CERKL: variants seen among roughly 807,000 people sequenced by gnomAD.
CERKL encodes ceramide kinase-like protein.
Under a neutral mutation model 63.4 loss-of-function variants are expected in CERKL, and 61 were observed. The observed-to-expected ratio is 0.96, with a 90% CI of 0.78 to 1.19. CERKL has a LOEUF of 1.19. Ranked by LOEUF, CERKL falls within the 50% of genes most tolerant of loss-of-function variation. CERKL has a pLI of 0.00. For missense variants in CERKL, 675 were observed against 655.5 expected (o/e 1.03, Z -0.33); for synonymous variants, 250 against 230.5 (o/e 1.08, Z -0.77).
At chr2:181,620,328 A>C (rs545083626) in intron 1 of CERKL, among the ~76,000 whole-genome samples, 124 of 152,272 alleles carry the variant, frequency 8.1e-4, no homozygotes, top group Non-Finnish European at 1.4e-3. Context: ...TTGTCAGCCA[A>C]GGTAGTACCT....
At chr2:181,599,599 G>A (rs1685373434) in intron 2 of CERKL, among the ~76,000 whole-genome samples, 1 of 150,998 alleles carries the variant, frequency 6.6e-6, no homozygotes, top group South Asian at 2.1e-4. Flanking sequence ...ACACCAAGCA[G>A]AAGACAAGAT....
intron 8 of CERKL, chr2:181,548,056 T>C (rs1048172793): frequency 3.1e-5 from 19 of 610,636 alleles, no homozygotes; most frequent in Non-Finnish European, 5.2e-5. Context: ...ACTAGTATTA[T>C]AAGGAATAAT....
chr2:181,539,481 T>C (rs76207771), intron 11 of CERKL, among the ~76,000 whole-genome samples: 19 of 152,260 alleles, frequency 1.2e-4, no homozygotes, highest in African/African-American at 4.6e-4. Flanking sequence ...CCTAGAAATC[T>C]TGTTTTATGA....
rs932980079 is a variant in CERKL, at chr2:181,537,957, G to A, written c.*227C>T. 7.8e-6 allele frequency: 5 copies of A among 639,880 alleles called. No homozygotes were observed. The highest frequency in any genetic ancestry group is 1.8e-5 in the African/African-American group (1 of 55,600). The allele number at this position is 639,880 out of a possible 1,614,324, so 39.6% of individuals were successfully genotyped here. The stretch of plus-strand genomic sequence containing the variant: ...ATTCTCATAGAAGTGCGAACCATAT[G>A]GTGAACTGGTATGTGAGGGATCTAG... On this transcript the variant is annotated 3_prime_UTR_variant, in exon 13 of 13. Transcript: ENST00000410087.
In CERKL at chr2:181,537,687, T is replaced by C. The variant is rs1402164681; in HGVS notation, c.*497A>G. 3 of 422,218 alleles carry C rather than the reference T, an allele frequency of 7.1e-6. No homozygotes were observed. The highest frequency in any genetic ancestry group is 5.1e-5 in the South Asian group (3 of 58,394). The allele number at this position is 422,218 out of a possible 1,614,324, so 26.2% of individuals were successfully genotyped here. ...TTTCAGAATTATCTAGGTTAAATAT[T>C]GATGTATTATGATGGTTGCAAAGTT... On this transcript the variant is annotated 3_prime_UTR_variant, in exon 13 of 13. Coordinates refer to ENST00000410087, the MANE Select transcript of CERKL (RefSeq NM_201548.5).
rs1345221781 is a variant in CERKL, at chr2:181,537,436, T to C, written c.*748A>G. On this transcript the variant is annotated 3_prime_UTR_variant, in exon 13 of 13. Transcript: ENST00000410087. ...TTTGTTATCAACTTACTTTGTTACT[T>C]GTATCATGAATTTTAAAACCCTACC... The C allele has an allele frequency of 2.2e-6, 1 of 453,990 alleles. No individual in the cohort carries two copies. The highest frequency in any genetic ancestry group is 1.6e-5 in the South Asian group (1 of 64,464). The allele number at this position is 453,990 out of a possible 1,614,324, so 28.1% of individuals were successfully genotyped here.
At chr2:181,643,468 A>AG (rs1687535348) in intron 1 of CERKL, among the ~76,000 whole-genome samples, 2 of 152,246 alleles carry the variant, frequency 1.3e-5, no homozygotes, top group Admixed American at 6.5e-5. Flanking sequence ...TTCATACTTC[A>AG]AGGTGTTATC....
intron 10 of CERKL, among the ~76,000 whole-genome samples, chr2:181,546,670 AG>A (rs1440330463): frequency 6.6e-6 from 1 of 152,200 alleles, no homozygotes; most frequent in Non-Finnish European, 1.5e-5. Context: ...GATTGGATTC[AG>A]GAAAGAAATA....
chr2:181,627,012 A>G (rs945204306), intron 1 of CERKL, among the ~76,000 whole-genome samples: 16 of 152,222 alleles, frequency 1.1e-4, no homozygotes, highest in African/African-American at 3.6e-4. Context: ...AGTAGTCTGA[A>G]GATATTTAGA....
At chr2:181,633,234 C>T (rs1247232977) in intron 1 of CERKL, among the ~76,000 whole-genome samples, 2 of 152,128 alleles carry the variant, frequency 1.3e-5, no homozygotes, top group Non-Finnish European at 2.9e-5. Flanking sequence ...CAAGTGGGGA[C>T]AGAAGGTTGT....
chr2:181,565,162 C>T (rs1688607843), intron 4 of CERKL, among the ~76,000 whole-genome samples: 2 of 152,168 alleles, frequency 1.3e-5, no homozygotes, highest in South Asian at 4.1e-4. Context: ...ACATTCAAAT[C>T]AGTCTTTGGG....
chr2:181,653,682 A>C (rs1471052249), intron 1 of CERKL, among the ~76,000 whole-genome samples: 1 of 152,216 alleles, frequency 6.6e-6, no homozygotes, highest in African/African-American at 2.4e-5. Context: ...CACATGTAGA[A>C]TCTTTTTCTA....
intron 2 of CERKL, among the ~76,000 whole-genome samples, chr2:181,575,830 C>T (rs1431049272): frequency 3.9e-5 from 6 of 152,286 alleles, no homozygotes; most frequent in Non-Finnish European, 7.3e-5. Flanking sequence ...CCTTTAAGCT[C>T]CACCCCATCC....
intron 1 of CERKL, among the ~76,000 whole-genome samples, chr2:181,610,870 C>A (rs1023729766): frequency 1.3e-5 from 2 of 151,918 alleles, no homozygotes; most frequent in African/African-American, 2.4e-5. Context: ...GGTTTTGATC[C>A]AGCAATTTAC....
intron 1 of CERKL, among the ~76,000 whole-genome samples, chr2:181,652,098 A>G (rs1407069631): frequency 6.6e-6 from 1 of 152,200 alleles, no homozygotes. Context: ...CTATGGATTT[A>G]ATGCAATTGC....
rs1688144723 is a variant in CERKL, at chr2:181,656,142, CTG to C, written c.238+625_238+626del. ...CTTGACGTAACTAAGCATCGCAAAA[CTG>C]TGATCCAATAATCTAGGGTCAATAT... On this transcript the variant is annotated intron_variant, in intron 1 of 12. Coordinates refer to ENST00000410087, the MANE Select transcript of CERKL (RefSeq NM_201548.5). 2.0e-5 allele frequency among the ~76,000 whole-genome samples: 3 copies of C among 152,238 alleles called. No individual in the cohort carries two copies. In the South Asian group the frequency reaches 6.2e-4, roughly 32 times the overall value.
chr2:181,575,346 C>T (rs565160560), intron 2 of CERKL, among the ~76,000 whole-genome samples: 3 of 152,298 alleles, frequency 2.0e-5, no homozygotes, highest in South Asian at 2.1e-4. Flanking sequence ...CTCTGTTACA[C>T]GCGTTAAAGA....
At chr2:181,597,501 C>G (rs1235489142) in intron 2 of CERKL, among the ~76,000 whole-genome samples, 6 of 152,096 alleles carry the variant, frequency 3.9e-5, no homozygotes, top group Admixed American at 3.9e-4. Flanking sequence ...TTTTGGAGTG[C>G]CCATGGGAAG....
chr2:181,558,718 T>A lies in CERKL; in HGVS notation c.678-10A>T. On this transcript the variant is annotated splice_polypyrimidine_tract_variant and intron_variant, in intron 4 of 12. Coordinates refer to ENST00000410087, the MANE Select transcript of CERKL (RefSeq NM_201548.5). The surrounding 1 kb of genome is among the most constrained non-coding windows in gnomAD (Gnocchi z 4.2). The stretch of plus-strand genomic sequence containing the variant: ...ACCAACACAGACAACACTAGAAAAA[T>A]ACAAATCAAGCAAAGAAGGCAAAAC... 6.2e-7 allele frequency: 1 copy of A among 1,612,994 alleles called. No homozygotes were observed. Among genetic ancestry groups the A allele is most frequent in the African/African-American group, 1.3e-5 (1 of 74,864 alleles).
Sources: gnomAD v4.1 joint callset for allele counts (sites outside exome capture counted in the v4.1 genomes callset) on GRCh38, gnomAD v4.1.1 for gene constraint, Gnocchi (gnomAD v3.1) non-coding constraint, MANE v1.5 for transcripts, NCBI Gene and HGNC (gene_info 2026-07-23, HGNC 2026-07-21) for gene names.